SETX: variants seen among roughly 807,000 people sequenced by gnomAD.
SETX encodes the protein senataxin.
In SETX, 90 loss-of-function variants were observed where a neutral mutation model predicts 227.2. The ratio of observed to expected loss-of-function variants is 0.40; its 90% CI spans 0.33 to 0.47. The LOEUF (loss-of-function observed/expected upper bound fraction) is 0.47, where lower values mean the gene tolerates loss of function less well. Ranked by LOEUF, SETX falls within the 20% of genes least tolerant of loss-of-function variation. The pLI is 0.91. For missense variants in SETX, 3,052 were observed against 3,181.5 expected (o/e 0.96, Z 0.98); for synonymous variants, 1,210 against 1,113.2 (o/e 1.09, Z -1.73).
rs189444354 is a variant in SETX, at chr9:132,278,083, A to G, written c.6829T>C (p.Leu2277=). The G allele has an allele frequency of 1.1e-5, 17 of 1,614,034 alleles. No individual in the cohort carries two copies. The East Asian group carries it at 3.8e-4, about 36-fold the overall frequency. Residue 2277 remains leucine, a synonymous_variant, in exon 21 of 26, where the codon TTA becomes CTA. Coordinates refer to ENST00000224140, the MANE Select transcript of SETX (RefSeq NM_015046.7). ...AGGGGAACTCACCTATTTGTTTTTA[A>G]GTTTCTGTTATAAACATAATTAGAA... ...FPSNYVYNRN[L]KTNRQTEAIR...
chr9:132,266,436 TACAG>T (rs2131123237), intron 25 of SETX, among the ~76,000 whole-genome samples: 1 of 152,286 alleles, frequency 6.6e-6, no homozygotes, highest in South Asian at 2.1e-4. Flanking sequence ...GAAAACCTTC[TACAG>T]ACATTTTCTG....
At position 132,342,906 on chromosome 9, in the gene SETX, AT is replaced by A. The variant is rs1479185708; in HGVS notation, c.389-108del. On this transcript the variant is annotated intron_variant, in intron 4 of 25. Coordinates refer to ENST00000224140, the MANE Select transcript of SETX (RefSeq NM_015046.7). Reference sequence around the variant, plus strand: ...GTAAATAAATAAAAATTTGCTTTTTATTTTTCCAAATTGAGGCATAAAAATG... The same window carrying A: ...GTAAATAAATAAAAATTTGCTTTTTATTTTCCAAATTGAGGCATAAAAATG... 18 of 830,236 alleles carry A rather than the reference AT, an allele frequency of 2.2e-5. No individual in the cohort carries two copies. In the Middle Eastern group the frequency reaches 2.9e-3, roughly 135 times the overall value. 51.4% of individuals were successfully genotyped at this position (830,236 alleles called of 1,614,324 possible).
intron 21 of SETX, among the ~76,000 whole-genome samples, chr9:132,277,722 T>TGCA (rs1381277051): frequency 2.1e-5 from 3 of 142,770 alleles, no homozygotes; most frequent in Non-Finnish European, 3.0e-5. Context: ...AGGTCGAAGC[T>TGCA]GCAGTGAGCC....
chr9:132,321,817 C>A (rs376674120), intron 10 of SETX, among the ~76,000 whole-genome samples: 1 of 151,868 alleles, frequency 6.6e-6, no homozygotes, highest in East Asian at 1.9e-4. Context: ...CACTGCACTC[C>A]AGCCTGGGCA....
chr9:132,342,917 T>C (rs530844783), intron 4 of SETX, 118 bp from the exon 5 acceptor site: 42 of 767,702 alleles, frequency 5.5e-5, no homozygotes, highest in Non-Finnish European at 8.8e-5. Context: ...TTTTTCCAAA[T>C]TGAGGCATAA....
In SETX at chr9:132,326,667, A is replaced by G. The variant is rs375429939; in HGVS notation, c.4931T>C (p.Ile1644Thr). The G allele has an allele frequency of 5.6e-6, 9 of 1,611,336 alleles. No individual in the cohort carries two copies. The highest frequency in any genetic ancestry group is 7.6e-6 in the Non-Finnish European group (9 of 1,177,996). ...CATTTCACCAACTGGCTTCTGAGCT[A>G]TGAGGGGAACTGGCTGTGGTACTTT... ...ILKVPQPVPLIAQKPVGEMKN... is the reference protein window; with the variant it reads ...ILKVPQPVPLTAQKPVGEMKN... The change falls in exon 10 of 26, where the codon ATA (isoleucine) becomes ACA (threonine). Residue 1644 changes from isoleucine to threonine, a missense_variant. Physicochemically the swap from Ile to Thr is moderately conservative, Grantham distance 89. Transcript: ENST00000224140.
chr9:132,304,471 A>G (rs1487449508), intron 11 of SETX, among the ~76,000 whole-genome samples: 1 of 152,014 alleles, frequency 6.6e-6, no homozygotes, highest in African/African-American at 2.4e-5. Context: ...CCTCAGAAAT[A>G]GAAATAAAAT....
chr9:132,263,827 T>A lies in SETX; in HGVS notation c.*412A>T. On this transcript the variant is annotated 3_prime_UTR_variant, in exon 26 of 26. Transcript: ENST00000224140. ...TCCCATCTTTTTTTTTTTGGTAATA[T>A]AAAGTTTGTTCTGTTGAAAACTGAT... The A allele has an allele frequency of 1.1e-5, 2 of 183,818 alleles. No individual in the cohort carries two copies. Among genetic ancestry groups the A allele is most frequent in the Admixed American group, 5.5e-5 (1 of 18,198 alleles). The allele number at this position is 183,818 out of a possible 1,614,324, so 11.4% of individuals were successfully genotyped here.
Position 132,262,313 on chromosome 9 carries a change from A to G in SETX, c.*1926T>C, listed in dbSNP as rs1206932080. The G allele has an allele frequency of 1.3e-5, 2 of 152,174 alleles. No individual in the cohort carries two copies. The highest frequency in any genetic ancestry group is 2.9e-5 in the Non-Finnish European group (2 of 68,038). 9.4% of individuals were successfully genotyped at this position (152,174 alleles called of 1,614,324 possible). A position where few individuals can be genotyped will look rare whatever the true frequency, so the allele number is the denominator to read the frequency against. On this transcript the variant is annotated 3_prime_UTR_variant, in exon 26 of 26. Coordinates refer to ENST00000224140, the MANE Select transcript of SETX (RefSeq NM_015046.7). Reference sequence around the variant, plus strand: ...CAGCGTGAGAGACATCCTGACCCCAACGTTTTTGCCATGCCTCCCTTTAGA... The same window carrying G: ...CAGCGTGAGAGACATCCTGACCCCAGCGTTTTTGCCATGCCTCCCTTTAGA...
At chr9:132,294,210 A>G (rs1012648028) in intron 15 of SETX, among the ~76,000 whole-genome samples, 4 of 152,190 alleles carry the variant, frequency 2.6e-5, no homozygotes, top group African/African-American at 9.7e-5. Context: ...TAACTGGTAC[A>G]ATCACTTTCA....
rs751553227 is a variant in SETX, at chr9:132,326,595, T to C, written c.5003A>G (p.Asn1668Ser). 16 of 1,614,256 alleles carry C rather than the reference T, an allele frequency of 9.9e-6. No individual in the cohort carries two copies. The Admixed American group carries it at 1.7e-4, about 17-fold the overall frequency. The change falls in exon 10 of 26, where the codon AAC (asparagine) becomes AGC (serine). Residue 1668 changes from asparagine to serine, a missense_variant. Asn to Ser is a conservative substitution (Grantham distance 46, BLOSUM62 1). Around this residue, in one of 10 missense-constraint regions of SETX, gnomAD observed 1,483 missense variants for 1,312.0 expected, o/e 1.13. Transcript: ENST00000224140. The part of the protein sequence containing the change: ...VLHPQSPNNS[N>S]RQGCKVPFGE... Reference sequence around the variant, plus strand: ...AAATGGAACTTTGCAACCTTGCCTGTTGGAATTATTCGGAGACTGAGGATG... The same window carrying C: ...AAATGGAACTTTGCAACCTTGCCTGCTGGAATTATTCGGAGACTGAGGATG...
Position 132,300,692 on chromosome 9 carries a change from T to C in SETX, c.5486A>G (p.Asp1829Gly). ...NEEKKDTERN[D>G]IQDLHEYHSG... is the part of the protein sequence containing the mutation. ...ATGATATTCGTGGAGATCTTGTATG[T>C]CATTTCTCTCTGTATCTTTCTTCTC... Residue 1829 changes from aspartate to glycine, a missense_variant, in exon 12 of 26, where the codon GAC (aspartate) becomes GGC (glycine). Physicochemically the swap from Asp to Gly is moderately conservative, Grantham distance 94. This residue lies in a region of SETX where 239 missense variants were observed against 272.1 expected (regional missense o/e 0.88). Coordinates refer to ENST00000224140, the MANE Select transcript of SETX (RefSeq NM_015046.7). 2.5e-6 allele frequency: 4 copies of C among 1,613,814 alleles called. No individual in the cohort carries two copies. The South Asian group carries it at 3.3e-5, about 13-fold the overall frequency.
At chr9:132,313,934 T>C (rs926998903) in intron 10 of SETX, among the ~76,000 whole-genome samples, 14 of 152,090 alleles carry the variant, frequency 9.2e-5, no homozygotes, top group African/African-American at 3.4e-4. Flanking sequence ...TTTTTGGTTT[T>C]TTTTTTTGTT....
chr9:132,346,499 C>A (rs763091338), intron 3 of SETX, 28 bp from the exon 4 acceptor site: 1 of 1,493,674 alleles, frequency 6.7e-7, no homozygotes, highest in Non-Finnish European at 9.3e-7. Context: ...GGGCAGTGTG[C>A]GTTATGTCTT....
Position 132,263,961 on chromosome 9 carries a change from AGTCTGACCTCCTT to A in SETX, c.*265_*277del, listed in dbSNP as rs1158531737. The A allele has an allele frequency of 1.7e-4, 88 of 509,780 alleles. 2 individuals are homozygous for A. The South Asian group carries it at 1.8e-3, about 10-fold the overall frequency. The allele number at this position is 509,780 out of a possible 1,614,324, so 31.6% of individuals were successfully genotyped here. A position where few individuals can be genotyped will look rare whatever the true frequency, so the allele number is the denominator to read the frequency against. On this transcript the variant is annotated 3_prime_UTR_variant, in exon 26 of 26. Coordinates refer to ENST00000224140, the MANE Select transcript of SETX (RefSeq NM_015046.7). ...TTTCAACTTTTACAACATTCACTCC[AGTCTGACCTCCTT>A]GTCTATAGAAGACTAAGAGATCAAC...
Position 132,327,029 on chromosome 9 carries a change from A to C in SETX, c.4569T>G (p.Ile1523Met). Residue 1523 changes from isoleucine to methionine, a missense_variant, in exon 10 of 26, where the codon ATT becomes ATG. Ile to Met is a conservative substitution (Grantham distance 10). This residue lies in a region of SETX where 1,483 missense variants were observed against 1,312.0 expected (regional missense o/e 1.13). Transcript: ENST00000224140. The part of the protein sequence containing the change: ...ENDNYKLIEL[I>M]HGKDTVEVEE... Reference sequence around the variant, plus strand: ...CAACCTCAACTGTATCTTTTCCATGAATTAGTTCAATGAGTTTATAATTGT... The same window carrying C: ...CAACCTCAACTGTATCTTTTCCATGCATTAGTTCAATGAGTTTATAATTGT... The C allele has an allele frequency of 6.2e-7, 1 of 1,614,204 alleles. No homozygotes were observed. The highest frequency in any genetic ancestry group is 8.5e-7 in the Non-Finnish European group (1 of 1,180,032).
Position 132,326,802 on chromosome 9 carries a change from A to G in SETX, c.4796T>C (p.Phe1599Ser). The part of the protein sequence containing the change: ...SKPLRPTTKI[F>S]SSKSTSRIAG... ...AATTCGTGAAGTACTCTTTGAGCTAAAAATCTTAGTGGTAGGTCTCAAAGG... is the reference window on the plus strand; with the variant it reads ...AATTCGTGAAGTACTCTTTGAGCTAGAAATCTTAGTGGTAGGTCTCAAAGG... Residue 1599 changes from phenylalanine (F) to serine (S), a missense_variant, in exon 10 of 26, where the codon TTT becomes TCT. This residue lies in a region of SETX where 1,483 missense variants were observed against 1,312.0 expected (regional missense o/e 1.13). Coordinates refer to ENST00000224140, the MANE Select transcript of SETX (RefSeq NM_015046.7). The G allele has an allele frequency of 6.2e-7, 1 of 1,614,202 alleles. No individual in the cohort carries two copies. The highest frequency in any genetic ancestry group is 8.5e-7 in the Non-Finnish European group (1 of 1,180,026).
chr9:132,345,526 A>C (rs1425893666), intron 4 of SETX, among the ~76,000 whole-genome samples: 1 of 152,200 alleles, frequency 6.6e-6, no homozygotes, highest in Non-Finnish European at 1.5e-5. Context: ...TGCCTGCCTC[A>C]GCCTCCCAAA....
chr9:132,282,078 A>C (rs971143445), intron 19 of SETX, among the ~76,000 whole-genome samples: 9 of 151,516 alleles, frequency 5.9e-5, no homozygotes, highest in Non-Finnish European at 1.2e-4. Context: ...ATAAATAAAA[A>C]GTAAACTCTC....
Sources: gnomAD v4.1 joint callset for allele counts (sites outside exome capture counted in the v4.1 genomes callset) on GRCh38, gnomAD v4.1.1 for gene constraint, gnomAD v4.1.1 regional missense constraint, MANE v1.5 for transcripts, NCBI Gene and HGNC (gene_info 2026-07-23, HGNC 2026-07-21) for gene names.